Variants in FAM107B observed in about 807,000 individuals in gnomAD.
FAM107B encodes the protein protein FAM107B.
In FAM107B, 21 loss-of-function variants were observed where a neutral mutation model predicts 31.5. The observed-to-expected ratio is 0.67, with a 90% CI of 0.47 to 0.96. FAM107B has a LOEUF of 0.96. Among genes scored for constraint, FAM107B ranks in the 40% least tolerant of loss-of-function variants. The pLI, the probability that FAM107B is intolerant of heterozygous loss-of-function variation, is 0.00. For missense variants in FAM107B, 452 were observed against 377.1 expected (o/e 1.20, Z -1.64); for synonymous variants, 157 against 141.5 (o/e 1.11, Z -0.78).
intron 2 of FAM107B, among the ~76,000 whole-genome samples, chr10:14,667,292 T>A (rs564625741): frequency 6.6e-6 from 1 of 152,308 alleles, no homozygotes; most frequent in African/African-American, 2.4e-5. Flanking sequence ...TCCAAGATAA[T>A]CATAAATATT....
At chr10:14,614,332 G>A (rs1039919117) in intron 2 of FAM107B, among the ~76,000 whole-genome samples, 5 of 152,098 alleles carry the variant, frequency 3.3e-5, no homozygotes, top group Non-Finnish European at 5.9e-5. Flanking sequence ...TGTGCCCAGG[G>A]CGCTCTGGCA....
chr10:14,528,017 G>C (rs1190282035), intron 3 of FAM107B: 6 of 341,448 alleles, frequency 1.8e-5, no homozygotes, highest in Non-Finnish European at 3.3e-5. Flanking sequence ...TTTTTTTAAT[G>C]TATTTCCAAC....
intron 1 of FAM107B, among the ~76,000 whole-genome samples, chr10:14,695,795 G>C (rs1301164396): frequency 6.6e-6 from 1 of 152,200 alleles, no homozygotes. Context: ...GTTATTTATA[G>C]AAATGCTACT....
At chr10:14,725,163 G>A (rs745330555) in intron 1 of FAM107B, among the ~76,000 whole-genome samples, 3 of 152,248 alleles carry the variant, frequency 2.0e-5, no homozygotes, top group Non-Finnish European at 2.9e-5. Flanking sequence ...ACTCTCAGAC[G>A]GTCAGCATCC....
At chr10:14,602,169 C>T (rs2131373964) in intron 2 of FAM107B, among the ~76,000 whole-genome samples, 1 of 152,330 alleles carries the variant, frequency 6.6e-6, no homozygotes, top group Non-Finnish European at 1.5e-5. Flanking sequence ...GACTCATTCA[C>T]TCACAGGCTA....
chr10:14,687,835 C>CCA (rs1225096593), intron 1 of FAM107B, among the ~76,000 whole-genome samples: 1 of 152,142 alleles, frequency 6.6e-6, no homozygotes, highest in Non-Finnish European at 1.5e-5. Context: ...GCATGCACAA[C>CCA]CACACACACA....
intron 2 of FAM107B, among the ~76,000 whole-genome samples, chr10:14,589,089 G>A (rs1227562420): frequency 6.6e-6 from 1 of 151,564 alleles, no homozygotes; most frequent in East Asian, 1.9e-4. Flanking sequence ...GGCTGAGGCA[G>A]GAGAATCACT....
At position 14,748,613 on chromosome 10, in the gene FAM107B, C is replaced by T. The variant is rs936930770; in HGVS notation, c.411+25640G>A. ...AAGCAAATTTGCATTCTTGGCCCGA[C>T]AACAGTGGTCTGGTGTTGCCAGCCA... is the stretch of plus-strand genomic sequence containing the variant. On this transcript the variant is annotated intron_variant, in intron 1 of 4. Coordinates refer to ENST00000181796, the MANE Select transcript of FAM107B (RefSeq NM_031453.4). Among the ~76,000 whole-genome samples, 7 of 152,348 alleles carry T rather than the reference C, an allele frequency of 4.6e-5. No individual in the cohort carries two copies. In the East Asian group the frequency reaches 5.8e-4, roughly 13 times the overall value.
Position 14,774,610 on chromosome 10 carries a change from G to A in FAM107B, c.54C>T (p.Ser18=), listed in dbSNP as rs1381060100. Residue 18 remains serine, a synonymous_variant, in exon 1 of 5, where the codon AGC becomes AGT. Coordinates refer to ENST00000181796, the MANE Select transcript of FAM107B (RefSeq NM_031453.4). ...GAGCTGAGCACGGAAATGGATGCAT[G>A]CTTCTAGAGGGAGACTTCAGTCTTT... The part of the protein sequence containing the change: ...LTKRLKSPSR[S]MHPFPCSALL... 6.2e-6 allele frequency: 10 copies of A among 1,614,088 alleles called. No homozygotes were observed. The highest frequency in any genetic ancestry group is 3.3e-5 in the Admixed American group (2 of 60,000).
intron 2 of FAM107B, among the ~76,000 whole-genome samples, chr10:14,603,119 T>G (rs1852458354): frequency 6.6e-6 from 1 of 152,056 alleles, no homozygotes; most frequent in Non-Finnish European, 1.5e-5. Context: ...GAGTGGTTTT[T>G]TTCTATATAT....
chr10:14,565,449 C>A (rs1239997467), intron 2 of FAM107B, among the ~76,000 whole-genome samples: 1 of 152,150 alleles, frequency 6.6e-6, no homozygotes, highest in Non-Finnish European at 1.5e-5. Context: ...CACACAGATA[C>A]AAACCCAGAC....
At chr10:14,683,358 T>C (rs1484181025) in intron 1 of FAM107B, among the ~76,000 whole-genome samples, 2 of 152,120 alleles carry the variant, frequency 1.3e-5, no homozygotes, top group Non-Finnish European at 2.9e-5. Context: ...TTCCACACCG[T>C]TAGGGAAGGC....
At chr10:14,722,227 T>C (rs912299694) in intron 1 of FAM107B, among the ~76,000 whole-genome samples, 10 of 152,206 alleles carry the variant, frequency 6.6e-5, no homozygotes, top group Non-Finnish European at 8.8e-5. Context: ...TAATAAATAC[T>C]ATTCGATTTT....
At chr10:14,760,021 T>C (rs983929531) in intron 1 of FAM107B, among the ~76,000 whole-genome samples, 2 of 152,244 alleles carry the variant, frequency 1.3e-5, no homozygotes, top group Admixed American at 1.3e-4. Context: ...CAAGCCTTCA[T>C]CTATTCTTAT....
At chr10:14,756,459 C>T (rs759344395) in intron 1 of FAM107B, among the ~76,000 whole-genome samples, 20 of 152,126 alleles carry the variant, frequency 1.3e-4, no homozygotes, top group Admixed American at 6.6e-5. Flanking sequence ...CATTCAATGG[C>T]TTTAAGAAGA....
At chr10:14,654,758 T>C (rs539413497) in intron 2 of FAM107B, among the ~76,000 whole-genome samples, 1 of 152,322 alleles carries the variant, frequency 6.6e-6, no homozygotes, top group South Asian at 2.1e-4. Flanking sequence ...GTAGATATGC[T>C]TTGCGATAGT....
intron 1 of FAM107B, among the ~76,000 whole-genome samples, chr10:14,719,480 A>C (rs1408402064): frequency 6.6e-6 from 1 of 152,154 alleles, no homozygotes; most frequent in Non-Finnish European, 1.5e-5. Flanking sequence ...TATTTTGCGG[A>C]GAGTAAAAGA....
At chr10:14,672,228 A>G (rs1429470918) in intron 1 of FAM107B, among the ~76,000 whole-genome samples, 2 of 151,958 alleles carry the variant, frequency 1.3e-5, no homozygotes, top group Admixed American at 6.6e-5. Context: ...AGCTGGGATT[A>G]CAGGCACCTG....
At chr10:14,616,941 A>G (rs1852869316) in intron 2 of FAM107B, among the ~76,000 whole-genome samples, 1 of 151,408 alleles carries the variant, frequency 6.6e-6, no homozygotes, top group African/African-American at 2.4e-5. Flanking sequence ...ATAAAATAAA[A>G]GAGAGAGAGA....
Sources: allele counts gnomAD v4.1 joint callset (sites outside exome capture counted in the v4.1 genomes callset), GRCh38; gene constraint gnomAD v4.1.1; transcripts MANE v1.5; gene names NCBI Gene and HGNC (gene_info 2026-07-23, HGNC 2026-07-21).